Variants in PAQR7 observed in about 807,000 individuals in gnomAD.
The protein encoded by PAQR7 is progestin and adipoQ receptor family member 7.
PAQR7 carries 14 observed loss-of-function variants against 24.6 expected under a neutral mutation model. The observed-to-expected ratio is 0.57, with a 90% CI of 0.38 to 0.89. The LOEUF is 0.89. PAQR7 is among the 40% of genes least tolerant of loss of function. PAQR7 has a pLI of 0.00. For synonymous variants in PAQR7, 189 were observed against 198.8 expected (o/e 0.95, Z 0.42); for missense variants, 351 against 444.0 (o/e 0.79, Z 1.88).
At chr1:25,864,019 A>G (rs1262918799) in intron 2 of PAQR7, among the ~76,000 whole-genome samples, 158 bp from the exon 3 acceptor site, 2 of 152,156 alleles carry the variant, frequency 1.3e-5, no homozygotes, top group Non-Finnish European at 2.9e-5. Context: ...GGAATTCCTC[A>G]TCTCTGACCT....
rs1557470064 is a variant in PAQR7, at chr1:25,875,397, C to CAAGCCCCG, written c.-109+90_-109+91insCGGGGCTT. ...CCGCGGAGCCTTGCTCTTTCCACGT[C>CAAGCCCCG]CAGCCCCGCAGCCCCGCAGCCCCGC... is the stretch of plus-strand genomic sequence containing the variant. On this transcript the variant is annotated intron_variant, in intron 1 of 2. Coordinates refer to ENST00000675840, the MANE Select transcript of PAQR7 (RefSeq NM_178422.6). The surrounding 1 kb of genome is among the most constrained non-coding windows in gnomAD (Gnocchi z 5.4). Among the ~76,000 whole-genome samples, 1 of 152,136 alleles carries CAAGCCCCG rather than the reference C, an allele frequency of 6.6e-6. No individual in the cohort carries two copies. The highest frequency in any genetic ancestry group is 2.4e-5 in the African/African-American group (1 of 41,424).
intron 1 of PAQR7, chr1:25,871,021 G>C (rs1403304264): frequency 6.6e-6 from 1 of 152,132 alleles, no homozygotes; most frequent in Non-Finnish European, 1.5e-5. Flanking sequence ...TCCCCAGCCT[G>C]AGAGATTTGC....
Position 25,863,364 on chromosome 1 carries a change from T to C in PAQR7, c.476A>G (p.Tyr159Cys). The change falls in exon 3 of 3, where the codon TAC (tyrosine) becomes TGC (cysteine). Residue 159 changes from tyrosine (Y) to cysteine (C), a missense_variant. Coordinates refer to ENST00000675840, the MANE Select transcript of PAQR7 (RefSeq NM_178422.6). The surrounding 1 kb of genome is among the most constrained non-coding windows in gnomAD (Gnocchi z 6.1). The stretch of plus-strand genomic sequence containing the variant: ...ATGCCAGGCGGGCTCGATAGCATAG[T>C]AGAAGTGTGCCAAGGCACTGCCAAA... The part of the protein sequence containing the change: ...YQFGSALAHF[Y>C]YAIEPAWHAQ... 6.2e-7 allele frequency: 1 copy of C among 1,614,120 alleles called. No individual in the cohort carries two copies. The highest frequency in any genetic ancestry group is 8.5e-7 in the Non-Finnish European group (1 of 1,180,020).
chr1:25,862,548 G>T lies in PAQR7; in HGVS notation c.*251C>A, dbSNP rs975280262. 6 of 485,736 alleles carry T rather than the reference G, an allele frequency of 1.2e-5. No individual in the cohort carries two copies. Among genetic ancestry groups the T allele is most frequent in the African/African-American group, 1.2e-4 (6 of 51,584 alleles). 30.1% of individuals were successfully genotyped at this position (485,736 alleles called of 1,614,324 possible). ...GGCAGTGGAAGGGCAAGCTGGAGTG[G>T]CCCACACCGTTAACTCTTTCCCTCT... On this transcript the variant is annotated 3_prime_UTR_variant, in exon 3 of 3. Coordinates refer to ENST00000675840, the MANE Select transcript of PAQR7 (RefSeq NM_178422.6).
intron 1 of PAQR7, among the ~76,000 whole-genome samples, chr1:25,871,754 C>T (rs1426186684): frequency 6.6e-6 from 1 of 152,212 alleles, no homozygotes; most frequent in Non-Finnish European, 1.5e-5. Context: ...CCCTGGGTTA[C>T]CCCCATCTCA....
intron 1 of PAQR7, among the ~76,000 whole-genome samples, chr1:25,873,974 C>T (rs1318143246): frequency 1.3e-5 from 2 of 152,148 alleles, no homozygotes; most frequent in African/African-American, 4.8e-5. Context: ...ACCTCCGCCT[C>T]CCGGCTTCAA....
At chr1:25,873,380 C>G (rs2048620291) in intron 1 of PAQR7, among the ~76,000 whole-genome samples, 2 of 152,182 alleles carry the variant, frequency 1.3e-5, no homozygotes, top group Admixed American at 1.3e-4. Context: ...AGTTTTCATC[C>G]CTGGCTGGCC....
chr1:25,865,096 C>T (rs1331758866), intron 2 of PAQR7, among the ~76,000 whole-genome samples: 1 of 149,870 alleles, frequency 6.7e-6, no homozygotes, highest in African/African-American at 2.5e-5. Flanking sequence ...GCGGAGCCTG[C>T]AGTGCGCGCC....
intron 1 of PAQR7, among the ~76,000 whole-genome samples, chr1:25,871,559 A>C (rs1572281811): frequency 1.4e-5 from 2 of 147,662 alleles, no homozygotes; most frequent in Non-Finnish European, 3.0e-5. Flanking sequence ...CCACTTCCTC[A>C]CCCCTCCCAA....
At chr1:25,865,820 T>C (rs915588266) in intron 2 of PAQR7, among the ~76,000 whole-genome samples, 3 of 146,836 alleles carry the variant, frequency 2.0e-5, no homozygotes, top group African/African-American at 7.6e-5. Flanking sequence ...AATAAATAAA[T>C]AAATAAAAAT....
In PAQR7 at chr1:25,872,027, C is replaced by T. The variant is rs191940373; in HGVS notation, c.-108-1333G>A. Among the ~76,000 whole-genome samples the T allele has an allele frequency of 2.0e-4, 31 of 152,342 alleles. No homozygotes were observed. In the East Asian group the frequency reaches 4.2e-3, roughly 21 times the overall value. On this transcript the variant is annotated intron_variant, in intron 1 of 2. Coordinates refer to ENST00000675840, the MANE Select transcript of PAQR7 (RefSeq NM_178422.6). Reference sequence around the variant, plus strand: ...CTCTCCGGCAGGCTGTTTCAAGAGACGCCACAGGCCTCATTTTTATGTGAG... The same window carrying T: ...CTCTCCGGCAGGCTGTTTCAAGAGATGCCACAGGCCTCATTTTTATGTGAG...
rs1420803406 is a variant in PAQR7 at position 25,863,709 on chromosome 1, T to C, written c.131A>G (p.Lys44Arg). 6.2e-7 allele frequency: 1 copy of C among 1,614,156 alleles called. No individual in the cohort carries two copies. The highest frequency in any genetic ancestry group is 1.7e-5 in the Admixed American group (1 of 60,022). The change falls in exon 3 of 3, where the codon AAG becomes AGG. Residue 44 changes from lysine to arginine, a missense_variant. Physicochemically the swap from Lys to Arg is conservative, Grantham distance 26. Transcript: ENST00000675840. The surrounding 1 kb of genome is among the most constrained non-coding windows in gnomAD (Gnocchi z 6.1). Reference protein sequence around the residue: ...DRAEVPPLFWKPYIYAGYRPL... With the variant: ...DRAEVPPLFWRPYIYAGYRPL... Reference sequence around the variant, plus strand: ...CCGGTAGCCCGCATAGATGTACGGCTTCCAGAAGAGCGGCGGCACCTCAGC... The same window carrying C: ...CCGGTAGCCCGCATAGATGTACGGCCTCCAGAAGAGCGGCGGCACCTCAGC...
At position 25,863,693 on chromosome 1, in the gene PAQR7, C is replaced by T. The variant is rs779379788; in HGVS notation, c.147G>A (p.Ala49=). 15 of 1,614,048 alleles carry T rather than the reference C, an allele frequency of 9.3e-6. No individual in the cohort carries two copies. Among genetic ancestry groups the T allele is most frequent in the Non-Finnish European group, 1.3e-5 (15 of 1,180,058 alleles). The change falls in exon 3 of 3, where the codon GCG becomes GCA. Residue 49 remains alanine, a synonymous_variant. Coordinates refer to ENST00000675840, the MANE Select transcript of PAQR7 (RefSeq NM_178422.6). The surrounding 1 kb of genome is among the most constrained non-coding windows in gnomAD (Gnocchi z 6.1). ...AGGTCTGATGCAGCGGCCGGTAGCC[C>T]GCATAGATGTACGGCTTCCAGAAGA... is the stretch of plus-strand genomic sequence containing the variant. ...PPLFWKPYIY[A]GYRPLHQTWR... is the part of the protein sequence containing the mutation.
chr1:25,863,621 C>G lies in PAQR7; in HGVS notation c.219G>C (p.Val73=), dbSNP rs1020868374. The change falls in exon 3 of 3, where the codon GTG becomes GTC. Residue 73 remains valine, a synonymous_variant. Coordinates refer to ENST00000675840, the MANE Select transcript of PAQR7 (RefSeq NM_178422.6). The surrounding 1 kb of genome is among the most constrained non-coding windows in gnomAD (Gnocchi z 6.1). ...RTLFQQHNEA[V]NVWTHLLAAL... ...CCGCCAGCAGGTGGGTCCAGACATT[C>G]ACGGCCTCGTTGTGCTGCTGGAACA... 4.3e-6 allele frequency: 7 copies of G among 1,614,078 alleles called. No homozygotes were observed. The African/African-American group carries it at 9.3e-5, about 22-fold the overall frequency.
At position 25,875,219 on chromosome 1, in the gene PAQR7, A is replaced by C. The variant is rs189212237; in HGVS notation, c.-109+269T>G. ...CAGCCGTGCTCCTTCTGCTCCTCCCACCCTTCCCAAGACGCCCCCATCCAG... is the reference window on the plus strand; with the variant it reads ...CAGCCGTGCTCCTTCTGCTCCTCCCCCCCTTCCCAAGACGCCCCCATCCAG... On this transcript the variant is annotated intron_variant, in intron 1 of 2. Coordinates refer to ENST00000675840, the MANE Select transcript of PAQR7 (RefSeq NM_178422.6). The surrounding 1 kb of genome is among the most constrained non-coding windows in gnomAD (Gnocchi z 5.4). Among the ~76,000 whole-genome samples the C allele has an allele frequency of 2.0e-5, 3 of 149,794 alleles. No homozygotes were observed. The highest frequency in any genetic ancestry group is 4.5e-5 in the Non-Finnish European group (3 of 67,280).
intron 2 of PAQR7, among the ~76,000 whole-genome samples, chr1:25,864,075 G>A (rs1256475428): frequency 6.6e-6 from 1 of 152,146 alleles, no homozygotes; most frequent in Non-Finnish European, 1.5e-5. Context: ...CTAGAACAGT[G>A]CCTGACACAT....
chr1:25,873,048 C>A (rs1186650314), intron 1 of PAQR7, among the ~76,000 whole-genome samples: 5 of 152,122 alleles, frequency 3.3e-5, no homozygotes, highest in Admixed American at 3.3e-4. Flanking sequence ...TAAGGCCAGA[C>A]CAATGTTAAT....
At chr1:25,867,248 C>T (rs2048564706) in intron 2 of PAQR7, among the ~76,000 whole-genome samples, 1 of 152,066 alleles carries the variant, frequency 6.6e-6, no homozygotes, top group South Asian at 2.1e-4. Context: ...GTTGCCCAGG[C>T]TGGTCTCGAA....
intron 1 of PAQR7, among the ~76,000 whole-genome samples, chr1:25,874,516 A>T (rs537469064): frequency 3.8e-4 from 58 of 152,304 alleles, no homozygotes; most frequent in Middle Eastern, 3.4e-3. Flanking sequence ...AACCCTCTGG[A>T]CAGAGAAACT....
Sources: gnomAD v4.1 joint callset for allele counts (sites outside exome capture counted in the v4.1 genomes callset) on GRCh38, gnomAD v4.1.1 for gene constraint, Gnocchi (gnomAD v3.1) non-coding constraint, MANE v1.5 for transcripts, NCBI Gene and HGNC (gene_info 2026-07-23, HGNC 2026-07-21) for gene names.